Variants in CCDC169 observed in about 807,000 individuals in gnomAD.
The protein encoded by CCDC169 is coiled-coil domain containing 169, also known as coiled-coil domain-containing protein 169.
CCDC169 carries 30 observed loss-of-function variants against 36.0 expected under a neutral mutation model. The ratio of observed to expected loss-of-function variants is 0.83; its 90% confidence interval spans 0.62 to 1.13. The LOEUF (loss-of-function observed/expected upper bound fraction) is 1.13, where lower values mean the gene tolerates loss of function less well. CCDC169 is among the 50% of genes most tolerant of loss of function. CCDC169 has a pLI of 0.00. For missense variants in CCDC169, 245 were observed against 245.9 expected (o/e 1.00, Z 0.03); for synonymous variants, 85 against 81.5 (o/e 1.04, Z -0.23).
Position 36,297,644 on chromosome 13 carries a change from G to A in CCDC169, c.76C>T (p.Arg26Cys), listed in dbSNP as rs1289400696. Residue 26 changes from arginine (R) to cysteine (C), a missense_variant, in exon 1 of 8, where the codon CGC becomes TGC. Transcript: ENST00000239859. ...RLKQQLLEEV[R>C]KKDAVQLSIF... ...CGCCGCCCGCCGACTCACTTCTTGC[G>A]GACTTCTTCCAGCAACTGCTGTTTC... The A allele has an allele frequency of 1.3e-6, 2 of 1,550,708 alleles. No individual in the cohort carries two copies. The highest frequency in any genetic ancestry group is 1.7e-6 in the Non-Finnish European group (2 of 1,147,006).
At chr13:36,226,966 A>G, downstream of CCDC169, 1 of 425,458 alleles carries the variant, frequency 2.4e-6, no homozygotes. Flanking sequence ...ATAAATAACA[A>G]CGAAGAAAAA....
intron 2 of CCDC169, among the ~76,000 whole-genome samples, chr13:36,285,129 T>C (rs912077884): frequency 1.3e-5 from 2 of 152,226 alleles, no homozygotes; most frequent in Non-Finnish European, 2.9e-5. Context: ...AAGATGAGAA[T>C]GGTTACCAAA....
intron 2 of CCDC169, among the ~76,000 whole-genome samples, chr13:36,289,187 C>T (rs1011119418): frequency 4.6e-5 from 7 of 152,154 alleles, no homozygotes; most frequent in African/African-American, 1.2e-4. Context: ...TTAAAAGCTT[C>T]TCAGAATCAT....
At chr13:36,276,918 G>C (rs1876899048) in intron 4 of CCDC169, among the ~76,000 whole-genome samples, 1 of 152,058 alleles carries the variant, frequency 6.6e-6, no homozygotes, top group South Asian at 2.1e-4. Flanking sequence ...AAATACAAAT[G>C]TCCAGGCCTT....
chr13:36,291,749 A>G (rs1878921340), intron 2 of CCDC169, among the ~76,000 whole-genome samples: 1 of 152,018 alleles, frequency 6.6e-6, no homozygotes, highest in Admixed American at 6.6e-5. Context: ...CTACTATTTC[A>G]TTGTTAAGTA....
intron 4 of CCDC169, among the ~76,000 whole-genome samples, chr13:36,273,559 A>AT (rs1183489862): frequency 1.3e-5 from 2 of 152,218 alleles, no homozygotes; most frequent in South Asian, 4.1e-4. Flanking sequence ...GCACATTTGC[A>AT]TTTTTTAAAG....
intron 4 of CCDC169, among the ~76,000 whole-genome samples, chr13:36,281,424 C>T (rs919173015): frequency 6.6e-6 from 1 of 151,966 alleles, no homozygotes; most frequent in Non-Finnish European, 1.5e-5. Context: ...ACGTATCTTA[C>T]CTTCAGAGGA....
rs540066424 is a variant in CCDC169, at chr13:36,257,214, C to T, written c.316-3071G>A. Among the ~76,000 whole-genome samples, 3 of 152,296 alleles carry T rather than the reference C, an allele frequency of 2.0e-5. No homozygotes were observed. In the East Asian group the frequency reaches 5.8e-4, roughly 29 times the overall value. On this transcript the variant is annotated intron_variant, in intron 4 of 7. Transcript: ENST00000239859. ...ATGCCTTGGGGGAGTGGAAAGAGCT[C>T]ATGGCAGCCCCTAGCTCAGGCCATT...
chr13:36,285,610 G>C (rs567559242), intron 2 of CCDC169, among the ~76,000 whole-genome samples: 7 of 148,044 alleles, frequency 4.7e-5, no homozygotes, highest in African/African-American at 1.8e-4. Context: ...TAGATAGATA[G>C]ATAGATAGAT....
intron 4 of CCDC169, among the ~76,000 whole-genome samples, chr13:36,263,446 T>C (rs1037846123): frequency 6.6e-6 from 1 of 152,178 alleles, no homozygotes; most frequent in African/African-American, 2.4e-5. Flanking sequence ...AACTGCAAAA[T>C]ATTTTAGAGC....
intron 2 of CCDC169, among the ~76,000 whole-genome samples, chr13:36,286,600 A>G (rs1303695178): frequency 6.6e-6 from 1 of 151,954 alleles, no homozygotes; most frequent in Non-Finnish European, 1.5e-5. Flanking sequence ...GTGCACCCTG[A>G]TCTCTTTGTC....
At chr13:36,270,123 A>C (rs1875840758) in intron 4 of CCDC169, among the ~76,000 whole-genome samples, 3 of 152,206 alleles carry the variant, frequency 2.0e-5, no homozygotes, top group Admixed American at 2.0e-4. Flanking sequence ...ACTGTTGCAC[A>C]ACAAAATGAC....
chr13:36,227,188 G>T, downstream of CCDC169: 1 of 1,481,076 alleles, frequency 6.8e-7, no homozygotes, highest in Non-Finnish European at 9.2e-7. Context: ...GCACATGTCT[G>T]AGTATTTTAC....
chr13:36,240,853 T>A (rs1044890168), intron 7 of CCDC169, among the ~76,000 whole-genome samples: 1 of 152,112 alleles, frequency 6.6e-6, no homozygotes, highest in African/African-American at 2.4e-5. Context: ...GTCTAGACTT[T>A]TTTGGCAACT....
intron 4 of CCDC169, among the ~76,000 whole-genome samples, chr13:36,258,213 T>C (rs1004884748): frequency 6.6e-6 from 1 of 152,162 alleles, no homozygotes; most frequent in Non-Finnish European, 1.5e-5. Context: ...TTTGGCCAAA[T>C]TGGGTGGGTG....
chr13:36,231,934 C>A (rs996655565), intron 7 of CCDC169, among the ~76,000 whole-genome samples: 1 of 152,056 alleles, frequency 6.6e-6, no homozygotes, highest in Non-Finnish European at 1.5e-5. Flanking sequence ...ATTTTCTCCT[C>A]ATTAAAATGA....
At chr13:36,282,880 C>T (rs1051707912) in intron 4 of CCDC169, 2 of 152,524 alleles carry the variant, frequency 1.3e-5, no homozygotes, top group African/African-American at 2.4e-5. Flanking sequence ...GGTGGTGATA[C>T]CCACTCTGTT....
At chr13:36,269,526 A>C (rs1489417566) in intron 4 of CCDC169, among the ~76,000 whole-genome samples, 1 of 152,262 alleles carries the variant, frequency 6.6e-6, no homozygotes, top group African/African-American at 2.4e-5. Flanking sequence ...AATCCTCAAC[A>C]AAATACTAGC....
intron 2 of CCDC169, among the ~76,000 whole-genome samples, chr13:36,293,438 T>C (rs1185956095): frequency 2.0e-5 from 3 of 152,206 alleles, no homozygotes; most frequent in African/African-American, 7.2e-5. Context: ...CCATCCCATG[T>C]GTTGCTCTGT....
Sources: gnomAD v4.1 joint callset for allele counts (sites outside exome capture counted in the v4.1 genomes callset) on GRCh38, gnomAD v4.1.1 for gene constraint, MANE v1.5 for transcripts, NCBI Gene and HGNC (gene_info 2026-07-23, HGNC 2026-07-21) for gene names.